The following NPAS3 variants were observed in gnomAD, a reference collection of about 807,000 sequenced individuals.
NPAS3 encodes the protein neuronal PAS domain protein 3.
Under a neutral mutation model 73.1 loss-of-function variants are expected in NPAS3, and 14 were observed. The ratio of observed to expected loss-of-function variants is 0.19; its 90% CI spans 0.13 to 0.30. NPAS3 has a LOEUF of 0.30. NPAS3 is among the 10% of genes least tolerant of loss of function. The pLI, the probability that NPAS3 is intolerant of heterozygous loss-of-function variation, is 1.00. For missense variants in NPAS3, 1,096 were observed against 1,250.0 expected (o/e 0.88, Z 1.86); for synonymous variants, 620 against 541.5 (o/e 1.14, Z -2.01).
At chr14:33,304,603 T>C (rs981101421) in intron 3 of NPAS3, among the ~76,000 whole-genome samples, 2 of 152,072 alleles carry the variant, frequency 1.3e-5, no homozygotes, top group Non-Finnish European at 2.9e-5. Context: ...GGGCTACATA[T>C]GTGACATTTA....
At chr14:33,099,006 C>T (rs1230680123) in intron 2 of NPAS3, among the ~76,000 whole-genome samples, 1 of 152,158 alleles carries the variant, frequency 6.6e-6, no homozygotes, top group East Asian at 1.9e-4. Flanking sequence ...ATCCGTGGAG[C>T]CGAGTCTATC....
At chr14:33,759,141 C>G (rs1308014969) in intron 7 of NPAS3, among the ~76,000 whole-genome samples, 2 of 152,174 alleles carry the variant, frequency 1.3e-5, no homozygotes, top group African/African-American at 4.8e-5. Flanking sequence ...ACTGCTGATT[C>G]TTTATTATAA....
chr14:33,192,391 A>T (rs1036424512), intron 2 of NPAS3, among the ~76,000 whole-genome samples: 2 of 152,208 alleles, frequency 1.3e-5, no homozygotes, highest in African/African-American at 4.8e-5. Context: ...TGGTGTAATA[A>T]CTAAGAAGCA....
intron 4 of NPAS3, among the ~76,000 whole-genome samples, chr14:33,506,731 GA>G (rs377409540): frequency 6.6e-6 from 1 of 151,958 alleles, no homozygotes; most frequent in African/African-American, 2.4e-5. Flanking sequence ...AATATTTATT[GA>G]CTATCTTGTT....
At chr14:33,017,445 G>A (rs1262264835) in intron 1 of NPAS3, among the ~76,000 whole-genome samples, 2 of 152,186 alleles carry the variant, frequency 1.3e-5, no homozygotes, top group Non-Finnish European at 2.9e-5. Flanking sequence ...GTGGATACAT[G>A]TATTGTATGG....
chr14:33,382,458 T>C (rs185142135), intron 4 of NPAS3, among the ~76,000 whole-genome samples: 9 of 152,274 alleles, frequency 5.9e-5, no homozygotes, highest in Non-Finnish European at 1.0e-4. Context: ...CTACACATTA[T>C]TTTGGCATTT....
intron 2 of NPAS3, among the ~76,000 whole-genome samples, chr14:33,152,266 C>T (rs2044475364): frequency 6.6e-6 from 1 of 152,110 alleles, no homozygotes; most frequent in African/African-American, 2.4e-5. Context: ...GTGTTGATTT[C>T]AATAGATACA....
At chr14:33,366,092 G>A (rs2045826788) in intron 3 of NPAS3, among the ~76,000 whole-genome samples, 1 of 152,124 alleles carries the variant, frequency 6.6e-6, no homozygotes, top group African/African-American at 2.4e-5. Flanking sequence ...TCAGTGTAAA[G>A]CAAATGGATT....
intron 3 of NPAS3, among the ~76,000 whole-genome samples, chr14:33,309,469 T>C (rs2042913104): frequency 6.6e-6 from 1 of 152,230 alleles, no homozygotes; most frequent in African/African-American, 2.4e-5. Context: ...CTCAAATGTG[T>C]GGGCTGTGCG....
chr14:33,587,589 C>T (rs2056909876), intron 5 of NPAS3, among the ~76,000 whole-genome samples: 1 of 152,182 alleles, frequency 6.6e-6, no homozygotes, highest in Admixed American at 6.5e-5. Flanking sequence ...TTCTCCTCCT[C>T]CTCCTCTTCA....
chr14:33,392,108 A>T (rs1382244005), intron 4 of NPAS3, among the ~76,000 whole-genome samples: 1 of 152,178 alleles, frequency 6.6e-6, no homozygotes. Flanking sequence ...TTGACTAATA[A>T]AACAGAAGGA....
intron 2 of NPAS3, among the ~76,000 whole-genome samples, chr14:33,204,477 A>G (rs1004722717): frequency 6.6e-6 from 1 of 152,090 alleles, no homozygotes; most frequent in African/African-American, 2.4e-5. Context: ...CTTAACCCAG[A>G]CTTGGGACAG....
intron 5 of NPAS3, chr14:33,583,304 C>G (rs1435726020): frequency 6.6e-6 from 1 of 152,192 alleles, no homozygotes; most frequent in Non-Finnish European, 1.5e-5. Context: ...GTTCCAGTCG[C>G]ACCTACAGTG....
chr14:32,935,027 G>T (rs2138990180), upstream of NPAS3: 1 of 1,278,988 alleles, frequency 7.8e-7, no homozygotes, highest in Admixed American at 3.4e-5. Flanking sequence ...CCTGGGCTGG[G>T]ATAGTGCCCC....
chr14:33,154,716 T>C (rs909184101), intron 2 of NPAS3, among the ~76,000 whole-genome samples: 5 of 152,228 alleles, frequency 3.3e-5, no homozygotes, highest in Non-Finnish European at 7.3e-5. Context: ...TCCAGGCCAC[T>C]GGCTTCTTAT....
chr14:33,046,762 G>A (rs1373826800), intron 1 of NPAS3, among the ~76,000 whole-genome samples: 1 of 152,182 alleles, frequency 6.6e-6, no homozygotes, highest in Non-Finnish European at 1.5e-5. Context: ...GATGACCTGA[G>A]TTCAGGAGTT....
chr14:33,733,818 C>T (rs1449645323), intron 6 of NPAS3, among the ~76,000 whole-genome samples: 1 of 151,990 alleles, frequency 6.6e-6, no homozygotes, highest in African/African-American at 2.4e-5. Context: ...AAGAAAGGGA[C>T]ACTTGTCAGT....
At chr14:33,353,158 A>T (rs1175876726) in intron 3 of NPAS3, among the ~76,000 whole-genome samples, 2 of 23,366 alleles carry the variant, frequency 8.6e-5, no homozygotes, top group Admixed American at 5.9e-4. Context: ...GGCTTCTGTA[A>T]AAAAAAAAAA....
chr14:33,206,549 T>C (rs1257720928), intron 2 of NPAS3, among the ~76,000 whole-genome samples: 2 of 152,178 alleles, frequency 1.3e-5, no homozygotes, highest in East Asian at 3.8e-4. Flanking sequence ...ATCAGTCATA[T>C]CTAGTGTAGG....
Sources: gnomAD v4.1 joint callset for allele counts (sites outside exome capture counted in the v4.1 genomes callset) on GRCh38, gnomAD v4.1.1 for gene constraint, MANE v1.5 for transcripts, NCBI Gene and HGNC (gene_info 2026-07-23, HGNC 2026-07-21) for gene names.